Variants in CSGALNACT1 observed in about 807,000 individuals in gnomAD.
CSGALNACT1 encodes chondroitin sulfate N-acetylgalactosaminyltransferase 1.
Under a neutral mutation model 51.0 loss-of-function variants are expected in CSGALNACT1, and 52 were observed. The observed-to-expected ratio is 1.02, with a 90% CI of 0.82 to 1.29. CSGALNACT1 has a LOEUF of 1.29. Among genes scored for constraint, CSGALNACT1 ranks in the 50% most tolerant of loss-of-function variants. CSGALNACT1 has a pLI of 0.00. For missense variants in CSGALNACT1, 935 were observed against 679.2 expected (o/e 1.38, Z -4.19); for synonymous variants, 341 against 254.4 (o/e 1.34, Z -3.24).
chr8:19,571,053 C>A (rs13248516), intron 3 of CSGALNACT1, among the ~76,000 whole-genome samples: 23,960 of 152,104 alleles, frequency 0.16, 2,844 homozygotes, highest in African/African-American at 0.34. Flanking sequence ...ATCACTGCAG[C>A]CTCAACCTCC....
chr8:19,636,716 G>A (rs2056114657), intron 1 of CSGALNACT1, among the ~76,000 whole-genome samples: 1 of 152,102 alleles, frequency 6.6e-6, no homozygotes, highest in South Asian at 2.1e-4. Flanking sequence ...CATCCTTCTA[G>A]AATTCCCTAT....
At chr8:19,564,189 CT>C (rs1377209597) in intron 3 of CSGALNACT1, among the ~76,000 whole-genome samples, 29 of 152,214 alleles carry the variant, frequency 1.9e-4, no homozygotes, top group African/African-American at 6.3e-4. Context: ...TCACTCCCTA[CT>C]TTAAAGGACT....
At chr8:19,599,847 G>A (rs2050016244) in intron 2 of CSGALNACT1, among the ~76,000 whole-genome samples, 1 of 152,204 alleles carries the variant, frequency 6.6e-6, no homozygotes, top group Non-Finnish European at 1.5e-5. Flanking sequence ...TGCACATTGA[G>A]AAGACAGCAA....
chr8:19,564,397 GTA>G (rs1369809616), intron 3 of CSGALNACT1, among the ~76,000 whole-genome samples: 10 of 141,736 alleles, frequency 7.1e-5, no homozygotes. Flanking sequence ...TGAGGTTCAG[GTA>G]TTTTTTTTTT....
At chr8:19,655,579 C>CATATAT (rs66802003) in intron 1 of CSGALNACT1, among the ~76,000 whole-genome samples, 7 of 111,828 alleles carry the variant, frequency 6.3e-5, no homozygotes, top group African/African-American at 2.5e-4. Flanking sequence ...CACACACACA[C>CATATAT]ATATATATAT....
chr8:19,585,359 GAA>G (rs935489621), intron 3 of CSGALNACT1: 3 of 152,188 alleles, frequency 2.0e-5, no homozygotes, highest in African/African-American at 7.2e-5. Flanking sequence ...CCGAAAGAAG[GAA>G]AGACACAAAC....
At chr8:19,683,618 A>C (rs183108617), upstream of CSGALNACT1, among the ~76,000 whole-genome samples, 7 of 152,302 alleles carry the variant, frequency 4.6e-5, no homozygotes, top group African/African-American at 1.7e-4. Flanking sequence ...TACCAAGCAC[A>C]TGAAAGGAAA....
At chr8:19,591,696 G>A (rs1356165282) in intron 2 of CSGALNACT1, among the ~76,000 whole-genome samples, 1 of 152,116 alleles carries the variant, frequency 6.6e-6, no homozygotes, top group Admixed American at 6.5e-5. Flanking sequence ...GGCTGAGGCA[G>A]GAGGATCGCT....
chr8:19,568,028 TGA>T (rs1488028536), intron 3 of CSGALNACT1, among the ~76,000 whole-genome samples: 1 of 149,740 alleles, frequency 6.7e-6, no homozygotes, highest in African/African-American at 2.6e-5. Context: ...TCTCAACAAA[TGA>T]AAAAAAATCA....
At chr8:19,593,544 G>A (rs2048278154) in intron 2 of CSGALNACT1, among the ~76,000 whole-genome samples, 1 of 152,158 alleles carries the variant, frequency 6.6e-6, no homozygotes, top group Admixed American at 6.5e-5. Flanking sequence ...GCAGGTTCTA[G>A]ATGACCCTTT....
At chr8:19,473,361 C>T (rs1433008603) in intron 4 of CSGALNACT1, among the ~76,000 whole-genome samples, 1 of 152,122 alleles carries the variant, frequency 6.6e-6, no homozygotes, top group African/African-American at 2.4e-5. Context: ...TTCATCTCCC[C>T]TCCCAATCAT....
At chr8:19,655,061 A>G (rs2058139736) in intron 1 of CSGALNACT1, among the ~76,000 whole-genome samples, 1 of 152,200 alleles carries the variant, frequency 6.6e-6, no homozygotes, top group African/African-American at 2.4e-5. Flanking sequence ...TAATAAGCCA[A>G]TAAATGTTAG....
chr8:19,691,309 C>T (rs976668284), intron 1 of CSGALNACT1, among the ~76,000 whole-genome samples: 4 of 152,156 alleles, frequency 2.6e-5, no homozygotes, highest in Admixed American at 6.5e-5. Context: ...TCCCAAACAC[C>T]GCTGAGCAGG....
chr8:19,533,983 C>T (rs752999344), intron 3 of CSGALNACT1, among the ~76,000 whole-genome samples: 1 of 152,090 alleles, frequency 6.6e-6, no homozygotes, highest in East Asian at 1.9e-4. Context: ...ACCTTCCCCC[C>T]ATGCCAAATC....
chr8:19,657,369 AAGAATGGATC>A (rs2154188197), intron 1 of CSGALNACT1, among the ~76,000 whole-genome samples: 1 of 152,348 alleles, frequency 6.6e-6, no homozygotes, highest in East Asian at 1.9e-4. Flanking sequence ...GAGAAAAGGA[AAGAATGGATC>A]AGAGGCAAGA....
chr8:19,429,063 A>T (rs1282015926), intron 6 of CSGALNACT1, among the ~76,000 whole-genome samples: 4 of 152,152 alleles, frequency 2.6e-5, no homozygotes, highest in Admixed American at 2.0e-4. Context: ...AGTCAGTTCT[A>T]ATCCCCTCAT....
intron 4 of CSGALNACT1, among the ~76,000 whole-genome samples, chr8:19,465,437 A>G (rs2066453856): frequency 6.6e-6 from 1 of 152,164 alleles, no homozygotes. Context: ...ATGGATGCGC[A>G]AGAATGTCAA....
intron 4 of CSGALNACT1, among the ~76,000 whole-genome samples, chr8:19,484,997 C>G (rs1331911599): frequency 6.6e-6 from 1 of 152,174 alleles, no homozygotes; most frequent in Non-Finnish European, 1.5e-5. Flanking sequence ...CCTGCTGGCA[C>G]TTTCACCTTG....
chr8:19,580,034 C>T (rs2045218755), intron 3 of CSGALNACT1, among the ~76,000 whole-genome samples: 1 of 152,196 alleles, frequency 6.6e-6, no homozygotes, highest in Non-Finnish European at 1.5e-5. Context: ...AAGGAAAACA[C>T]CCTGAAGTGA....
Sources: allele counts gnomAD v4.1 joint callset (sites outside exome capture counted in the v4.1 genomes callset), GRCh38; gene constraint gnomAD v4.1.1; transcripts MANE v1.5; gene names NCBI Gene and HGNC (gene_info 2026-07-23, HGNC 2026-07-21).